Variants in CELF2 observed in about 807,000 individuals in gnomAD.
CELF2 encodes the protein CUGBP Elav-like family member 2.
Under a neutral mutation model 62.6 loss-of-function variants are expected in CELF2, and 8 were observed. The observed-to-expected ratio is 0.13, with a 90% CI of 0.07 to 0.23. The LOEUF is 0.23. Among genes scored for constraint, CELF2 ranks in the 10% least tolerant of loss-of-function variants. The pLI, the probability that CELF2 is intolerant of heterozygous loss-of-function variation, is 1.00. For missense variants in CELF2, 333 were observed against 671.0 expected (o/e 0.50, Z 5.56); for synonymous variants, 258 against 250.0 (o/e 1.03, Z -0.30).
intron 1 of CELF2, among the ~76,000 whole-genome samples, chr10:11,130,238 CAGTT>C (rs2059413238): frequency 6.6e-6 from 1 of 152,170 alleles, no homozygotes; most frequent in Non-Finnish European, 1.5e-5. Context: ...GTCTGAGAAA[CAGTT>C]TGTTGTAATT....
intron 1 of CELF2, among the ~76,000 whole-genome samples, chr10:11,036,177 T>G (rs1301243509): frequency 6.6e-6 from 1 of 152,250 alleles, no homozygotes; most frequent in African/African-American, 2.4e-5. Flanking sequence ...GACTCTTGAA[T>G]AGAGAATTTC....
intron 1 of CELF2, among the ~76,000 whole-genome samples, chr10:11,061,799 T>C (rs1270202469): frequency 6.6e-6 from 1 of 152,114 alleles, no homozygotes; most frequent in Non-Finnish European, 1.5e-5. Flanking sequence ...TACAGCATGG[T>C]TTACTGAATT....
chr10:10,953,656 C>T (rs977119759), intron 2 of CELF2, among the ~76,000 whole-genome samples: 2 of 152,040 alleles, frequency 1.3e-5, no homozygotes, highest in Non-Finnish European at 2.9e-5. Flanking sequence ...TTAGAAGGAA[C>T]CATGGGAGAA....
chr10:11,073,081 G>A (rs1442233005), intron 1 of CELF2, among the ~76,000 whole-genome samples: 2 of 151,864 alleles, frequency 1.3e-5, no homozygotes, highest in African/African-American at 2.4e-5. Flanking sequence ...TATAAATAAT[G>A]CTAATATAAT....
chr10:10,876,185 A>G (rs2061078277), intron 1 of CELF2, among the ~76,000 whole-genome samples: 1 of 152,224 alleles, frequency 6.6e-6, no homozygotes, highest in Non-Finnish European at 1.5e-5. Context: ...ATAAAAAAGC[A>G]CCAAACTCAA....
Position 11,063,078 on chromosome 10 carries a change from T to C in CELF2, c.74+44915T>C, listed in dbSNP as rs1464149405. On this transcript the variant is annotated intron_variant, in intron 1 of 12. Transcript: ENST00000633077. Reference sequence around the variant, plus strand: ...TATTTTAACATTAAGATACGTACTTTTTAAAAGACATAATGCTATGGCACA... The same window carrying C: ...TATTTTAACATTAAGATACGTACTTCTTAAAAGACATAATGCTATGGCACA... 2.0e-5 allele frequency among the ~76,000 whole-genome samples: 3 copies of C among 152,220 alleles called. No homozygotes were observed. The East Asian group carries it at 5.8e-4, about 29-fold the overall frequency.
At chr10:10,541,229 T>A in the CELF2 span, among the ~76,000 whole-genome samples, 137 of 139,092 alleles carry the variant, frequency 9.8e-4, no homozygotes, top group African/African-American at 3.7e-3. Flanking sequence ...GGCGACAGAA[T>A]GAGACCCCAT....
chr10:11,164,869 C>G (rs563346410), intron 1 of CELF2, among the ~76,000 whole-genome samples: 1 of 152,278 alleles, frequency 6.6e-6, no homozygotes, highest in African/African-American at 2.4e-5. Context: ...TTCTGAGTAG[C>G]AACAACGTAC....
At chr10:10,650,073 C>T in the CELF2 span, among the ~76,000 whole-genome samples, 1 of 152,210 alleles carries the variant, frequency 6.6e-6, no homozygotes, top group African/African-American at 2.4e-5. Flanking sequence ...AACGTTCAGA[C>T]TATTTGATGC....
chr10:10,676,075 T>C, the CELF2 span, among the ~76,000 whole-genome samples: 1 of 152,178 alleles, frequency 6.6e-6, no homozygotes, highest in Admixed American at 6.5e-5. Context: ...TAGGCTTTAA[T>C]AATGTAGTGG....
chr10:11,249,821 C>T (rs1228827745), intron 4 of CELF2, among the ~76,000 whole-genome samples: 2 of 152,194 alleles, frequency 1.3e-5, no homozygotes, highest in South Asian at 2.1e-4. Context: ...GAGTTGATAG[C>T]CACATTTCCC....
intron 1 of CELF2, among the ~76,000 whole-genome samples, chr10:11,069,353 G>A (rs2069075216): frequency 6.6e-6 from 1 of 152,208 alleles, no homozygotes; most frequent in Non-Finnish European, 1.5e-5. Context: ...TGATGATGGT[G>A]AAATTGATAG....
chr10:10,814,547 A>T (rs760197327), intron 1 of CELF2, among the ~76,000 whole-genome samples: 1 of 152,130 alleles, frequency 6.6e-6, no homozygotes, highest in Non-Finnish European at 1.5e-5. Flanking sequence ...CACATTTCCC[A>T]CTTCCAACAC....
At chr10:10,478,093 C>G in the CELF2 span, among the ~76,000 whole-genome samples, 1 of 152,066 alleles carries the variant, frequency 6.6e-6, no homozygotes, top group Admixed American at 6.6e-5. Flanking sequence ...TCTTACATAC[C>G]CTTCCAGGAA....
At chr10:10,519,511 T>G in the CELF2 span, among the ~76,000 whole-genome samples, 37 of 152,072 alleles carry the variant, frequency 2.4e-4, 1 homozygote, top group Admixed American at 2.4e-3. Context: ...TTCCTAGTGA[T>G]AGAAAAAGAA....
intron 1 of CELF2, among the ~76,000 whole-genome samples, chr10:11,164,394 A>T (rs1041724548): frequency 3.9e-5 from 6 of 152,240 alleles, no homozygotes; most frequent in Admixed American, 1.3e-4. Flanking sequence ...CGGGCTGTAC[A>T]CAGCATTCTC....
intron 1 of CELF2, among the ~76,000 whole-genome samples, chr10:11,114,679 A>G (rs1169498606): frequency 1.3e-5 from 2 of 152,240 alleles, no homozygotes; most frequent in African/African-American, 2.4e-5. Flanking sequence ...TTGAGTGGCA[A>G]TGGGTTGGCC....
chr10:11,173,740 A>G (rs1183127278), intron 2 of CELF2, among the ~76,000 whole-genome samples: 2 of 152,188 alleles, frequency 1.3e-5, no homozygotes, highest in Admixed American at 6.5e-5. Context: ...CAAACCTTTT[A>G]CGAGAACAGC....
At chr10:11,095,181 G>C (rs557319624) in intron 1 of CELF2, among the ~76,000 whole-genome samples, 1 of 152,112 alleles carries the variant, frequency 6.6e-6, no homozygotes, top group African/African-American at 2.4e-5. Context: ...TTTACAAAGC[G>C]AAGTTTCTTC....
Sources: gnomAD v4.1 joint callset for allele counts (sites outside exome capture counted in the v4.1 genomes callset) on GRCh38, gnomAD v4.1.1 for gene constraint, MANE v1.5 for transcripts, NCBI Gene and HGNC (gene_info 2026-07-23, HGNC 2026-07-21) for gene names.